The following NAALADL2 variants were observed in gnomAD, a reference collection of about 807,000 sequenced individuals.
NAALADL2 encodes the protein N-acetylated alpha-linked acidic dipeptidase like 2, also known as inactive N-acetylated-alpha-linked acidic dipeptidase-like protein 2.
NAALADL2 carries 76 observed loss-of-function variants against 87.2 expected under a neutral mutation model. The ratio of observed to expected loss-of-function variants is 0.87; its 90% CI spans 0.72 to 1.05. NAALADL2 has a LOEUF of 1.05. Among genes scored for constraint, NAALADL2 ranks in the 50% least tolerant of loss-of-function variants. NAALADL2 has a pLI of 0.00. For synonymous variants in NAALADL2, 354 were observed against 331.0 expected (o/e 1.07, Z -0.75); for missense variants, 1,089 against 945.8 (o/e 1.15, Z -1.99).
At chr3:175,341,088 A>C (rs1762525085) in intron 5 of NAALADL2, among the ~76,000 whole-genome samples, 1 of 152,072 alleles carries the variant, frequency 6.6e-6, no homozygotes, top group African/African-American at 2.4e-5. Flanking sequence ...GAGTTCTGCA[A>C]AAATCATCAC....
intron 4 of NAALADL2, among the ~76,000 whole-genome samples, chr3:175,294,900 C>T (rs1229573284): frequency 1.3e-5 from 2 of 152,180 alleles, no homozygotes; most frequent in East Asian, 1.9e-4. Flanking sequence ...GCAGTCCACC[C>T]TCTGCAGTCT....
At position 175,807,933 on chromosome 3, in the gene NAALADL2, C is replaced by T. The variant is rs547908310; in HGVS notation, c.*4730C>T. Reference sequence around the variant, plus strand: ...ACTTTTAGGTGACATGAATTTGAAGCGTAGCAAAAGAAATGTATAAAGATA... The same window carrying T: ...ACTTTTAGGTGACATGAATTTGAAGTGTAGCAAAAGAAATGTATAAAGATA... On this transcript the variant is annotated 3_prime_UTR_variant, in exon 14 of 14. Coordinates refer to ENST00000454872, the MANE Select transcript of NAALADL2 (RefSeq NM_207015.3). 4.6e-5 allele frequency: 7 copies of T among 151,980 alleles called. No homozygotes were observed. The highest frequency in any genetic ancestry group is 4.8e-5 in the African/African-American group (2 of 41,530). 9.4% of individuals were successfully genotyped at this position (151,980 alleles called of 1,614,324 possible).
chr3:175,478,707 A>T (rs1726050560), intron 9 of NAALADL2, among the ~76,000 whole-genome samples: 1 of 151,936 alleles, frequency 6.6e-6, no homozygotes, highest in Admixed American at 6.6e-5. Context: ...TTTGATTGGT[A>T]CACTGGACAC....
rs1168817019 is a variant in NAALADL2, at chr3:175,588,534, C to CTTTTTTTTTTTT, written c.1800+12358_1800+12369dup. On this transcript the variant is annotated intron_variant, in intron 10 of 13. Coordinates refer to ENST00000454872, the MANE Select transcript of NAALADL2 (RefSeq NM_207015.3). ...TTAGGAGACTTTCTTTCTTTCTTTTCTTTTTTTTTTTTTTTTTTTTTTGAG... is the reference window on the plus strand; with the variant it reads ...TTAGGAGACTTTCTTTCTTTCTTTTCTTTTTTTTTTTTTTTTTTTTTTTTTTTTTTTTTTGAG... Among the ~76,000 whole-genome samples the CTTTTTTTTTTTT allele has an allele frequency of 8.7e-3, 679 of 78,122 alleles. 81 individuals carry two copies. The highest frequency in any genetic ancestry group is 0.011 in the Non-Finnish European group (454 of 42,118). The allele number at this position is 78,122 out of a possible 152,430, so 51.3% of individuals were successfully genotyped here.
chr3:175,451,675 C>T (rs2149237550), intron 6 of NAALADL2, among the ~76,000 whole-genome samples: 1 of 152,088 alleles, frequency 6.6e-6, no homozygotes, highest in Admixed American at 6.6e-5. Context: ...TTTGATGATT[C>T]ACTTATTTTG....
intron 2 of NAALADL2, among the ~76,000 whole-genome samples, chr3:175,173,257 A>G (rs1025030753): frequency 1.3e-5 from 2 of 151,820 alleles, no homozygotes; most frequent in Non-Finnish European, 2.9e-5. Context: ...GTGCTACCGC[A>G]CTCCAGCCTT....
intron 2 of NAALADL2, among the ~76,000 whole-genome samples, chr3:175,191,613 A>G (rs1738218311): frequency 6.6e-6 from 1 of 152,192 alleles, no homozygotes; most frequent in Admixed American, 6.5e-5. Flanking sequence ...AGAGAAGAGA[A>G]GCTTAACTCT....
Position 174,698,931 on chromosome 3 carries a change from T to TTATA in NAALADL2, c.-114-38700_-114-38697dup, listed in dbSNP as rs370549134. ...TTGTGCTTCATATATGTGTATATAT[T>TTATA]TATATATATATATGAATGTGTGTGT... On this transcript the variant is annotated intron_variant, in intron 2 of 3. Transcript: ENST00000434257. 6.3e-5 allele frequency among the ~76,000 whole-genome samples: 9 copies of TTATA among 141,854 alleles called. No homozygotes were observed. The South Asian group carries it at 1.7e-3, about 27-fold the overall frequency. The allele number at this position is 141,854 out of a possible 152,430, so 93.1% of individuals were successfully genotyped here. A position where few individuals can be genotyped will look rare whatever the true frequency, so the allele number is the denominator to read the frequency against.
chr3:174,706,705 C>T (rs1037573913), intron 2 of NAALADL2, among the ~76,000 whole-genome samples: 7 of 152,274 alleles, frequency 4.6e-5, no homozygotes, highest in Middle Eastern at 3.4e-3. Context: ...ACATGAAGTC[C>T]TTGCCCATGC....
At chr3:175,309,521 T>C (rs1758096478) in intron 4 of NAALADL2, among the ~76,000 whole-genome samples, 1 of 151,530 alleles carries the variant, frequency 6.6e-6, no homozygotes, top group Non-Finnish European at 1.5e-5. Flanking sequence ...CAATAAATTA[T>C]AAAATTGTAG....
At chr3:174,908,189 C>A (rs561474514) in intron 1 of NAALADL2, among the ~76,000 whole-genome samples, 1 of 151,864 alleles carries the variant, frequency 6.6e-6, no homozygotes, top group African/African-American at 2.4e-5. Context: ...CAAATAAATG[C>A]CAGGAAGTCA....
chr3:175,224,900 C>T (rs1560189825), intron 2 of NAALADL2, among the ~76,000 whole-genome samples: 2 of 152,082 alleles, frequency 1.3e-5, no homozygotes, highest in East Asian at 3.9e-4. Flanking sequence ...CCAGCCATCT[C>T]TACAGATTGA....
At chr3:175,422,590 A>C (rs944165834) in intron 5 of NAALADL2, among the ~76,000 whole-genome samples, 10 of 152,090 alleles carry the variant, frequency 6.6e-5, no homozygotes, top group Non-Finnish European at 1.0e-4. Flanking sequence ...AGAAAAAAAA[A>C]ATCTTTTATT....
At chr3:175,306,199 T>C (rs1011038800) in intron 4 of NAALADL2, among the ~76,000 whole-genome samples, 6 of 152,156 alleles carry the variant, frequency 3.9e-5, no homozygotes, top group Non-Finnish European at 7.3e-5. Context: ...ACACACACTT[T>C]TTTATTTTCT....
intron 5 of NAALADL2, among the ~76,000 whole-genome samples, chr3:175,351,435 C>T (rs887016397): frequency 1.3e-5 from 2 of 148,706 alleles, no homozygotes; most frequent in African/African-American, 5.0e-5. Context: ...TATGCACACA[C>T]AATCCACGTC....
chr3:174,845,162 C>G (rs1309622880), intron 3 of NAALADL2, among the ~76,000 whole-genome samples: 1 of 152,198 alleles, frequency 6.6e-6, no homozygotes, highest in Non-Finnish European at 1.5e-5. Context: ...AACCTAAGCA[C>G]TGGGCCAAGG....
intron 2 of NAALADL2, among the ~76,000 whole-genome samples, chr3:174,599,805 G>A (rs769271614): frequency 1.5e-4 from 23 of 152,100 alleles, no homozygotes; most frequent in South Asian, 8.3e-4. Context: ...GACTGCTTTC[G>A]TCAACAAATC....
intron 2 of NAALADL2, among the ~76,000 whole-genome samples, chr3:175,140,216 C>T (rs1480544498): frequency 6.6e-6 from 1 of 152,078 alleles, no homozygotes; most frequent in East Asian, 1.9e-4. Flanking sequence ...ATGCTGCATT[C>T]CATGTACCTA....
intron 1 of NAALADL2, among the ~76,000 whole-genome samples, chr3:174,472,843 G>A (rs546104101): frequency 2.6e-5 from 4 of 152,188 alleles, no homozygotes; most frequent in South Asian, 4.1e-4. Context: ...ACCACATGTT[G>A]CACTTTGTAG....
Sources: gnomAD v4.1 joint callset for allele counts (sites outside exome capture counted in the v4.1 genomes callset) on GRCh38, gnomAD v4.1.1 for gene constraint, MANE v1.5 for transcripts, NCBI Gene and HGNC (gene_info 2026-07-23, HGNC 2026-07-21) for gene names.